Variants in TGFA observed in about 807,000 individuals in gnomAD.
The protein encoded by TGFA is transforming growth factor alpha.
A neutral mutation model predicts 21.7 loss-of-function variants in TGFA; 12 were observed. The observed-to-expected ratio is 0.55, with a 90% CI of 0.35 to 0.90. The LOEUF (loss-of-function observed/expected upper bound fraction) is 0.90, where lower values mean the gene tolerates loss of function less well. Ranked by LOEUF, TGFA falls within the 40% of genes least tolerant of loss-of-function variation. TGFA has a pLI of 0.01. For missense variants in TGFA, 178 were observed against 210.8 expected, an observed-to-expected ratio of 0.84 and a Z score of 0.96; for synonymous variants, 79 against 88.1, an observed-to-expected ratio of 0.90 and a Z score of 0.58.
intron 2 of TGFA, among the ~76,000 whole-genome samples, chr2:70,479,384 G>A (rs992977772): frequency 3.3e-5 from 5 of 152,306 alleles, no homozygotes; most frequent in African/African-American, 1.2e-4. Context: ...CTGGCTTGTA[G>A]TTGATGAAAA....
Position 70,503,637 on chromosome 2 carries a change from G to C in TGFA, c.94+11222C>G, listed in dbSNP as rs188239485. ...CATAGTCCCCAGGGGGCACAGTTAA[G>C]CTTTAAATCTAGGTCATCTGGCTCC... On this transcript the variant is annotated intron_variant, in intron 2 of 5. Transcript: ENST00000295400. Among the ~76,000 whole-genome samples, 74 of 150,974 alleles carry C rather than the reference G, an allele frequency of 4.9e-4. No individual in the cohort carries two copies. In the Middle Eastern group the frequency reaches 0.014, roughly 29 times the overall value.
chr2:70,484,223 T>C (rs1336079663), intron 2 of TGFA, among the ~76,000 whole-genome samples: 1 of 152,228 alleles, frequency 6.6e-6, no homozygotes, highest in Admixed American at 6.5e-5. Flanking sequence ...TTCTGAGTAA[T>C]ACATAACCAA....
chr2:70,476,099 A>T (rs1286123634), intron 2 of TGFA, among the ~76,000 whole-genome samples: 1 of 151,020 alleles, frequency 6.6e-6, no homozygotes, highest in Non-Finnish European at 1.5e-5. Context: ...AAAAAAAAAA[A>T]AAAAAAAATT....
chr2:70,472,832 C>T (rs1670799145), intron 2 of TGFA, among the ~76,000 whole-genome samples: 2 of 152,258 alleles, frequency 1.3e-5, no homozygotes, highest in Non-Finnish European at 1.5e-5. Context: ...ACAGCCATTT[C>T]ATAACTTCCT....
At chr2:70,546,846 T>C (rs1217684544) in intron 1 of TGFA, among the ~76,000 whole-genome samples, 1 of 152,130 alleles carries the variant, frequency 6.6e-6, no homozygotes, top group Non-Finnish European at 1.5e-5. Context: ...TGAGCCACCT[T>C]GCTTGGCCAG....
intron 1 of TGFA, among the ~76,000 whole-genome samples, chr2:70,546,860 AC>A (rs1553505991): frequency 6.6e-6 from 1 of 152,110 alleles, no homozygotes; most frequent in African/African-American, 2.4e-5. Flanking sequence ...TGGCCAGAAA[AC>A]CTTTTAATAG....
intron 1 of TGFA, among the ~76,000 whole-genome samples, chr2:70,529,755 A>G (rs1313650465): frequency 6.6e-6 from 1 of 152,128 alleles, no homozygotes; most frequent in Non-Finnish European, 1.5e-5. Flanking sequence ...TGAGCAGAGG[A>G]GCAATAACAT....
At chr2:70,522,874 T>C (rs1286022644) in intron 1 of TGFA, among the ~76,000 whole-genome samples, 6 of 152,198 alleles carry the variant, frequency 3.9e-5, no homozygotes, top group Non-Finnish European at 5.9e-5. Flanking sequence ...TAGCGGGACA[T>C]TGTCTAGGTG....
chr2:70,486,609 G>T (rs114457179), intron 2 of TGFA, among the ~76,000 whole-genome samples: 1,776 of 151,826 alleles, frequency 0.012, 37 homozygotes, highest in African/African-American at 0.041. Context: ...CTACAGGTGC[G>T]CGCTACCACA....
intron 2 of TGFA, among the ~76,000 whole-genome samples, chr2:70,487,470 A>G (rs1671302744): frequency 6.6e-6 from 1 of 152,242 alleles, no homozygotes; most frequent in South Asian, 2.1e-4. Context: ...TATACCTTAT[A>G]CACATATCTT....
chr2:70,485,906 G>C (rs1559114210), intron 2 of TGFA, among the ~76,000 whole-genome samples: 1 of 152,066 alleles, frequency 6.6e-6, no homozygotes, highest in East Asian at 1.9e-4. Flanking sequence ...CTACATCAGG[G>C]GCAACGCTGT....
chr2:70,520,158 A>G (rs1399241221), intron 1 of TGFA, among the ~76,000 whole-genome samples: 1 of 152,206 alleles, frequency 6.6e-6, no homozygotes, highest in East Asian at 1.9e-4. Context: ...CAGGAAGTTC[A>G]GGATGATGAG....
chr2:70,542,763 T>C (rs1291333242), intron 1 of TGFA, among the ~76,000 whole-genome samples: 1 of 152,238 alleles, frequency 6.6e-6, no homozygotes, highest in Non-Finnish European at 1.5e-5. Context: ...TATGCACGTA[T>C]GCAGACAAAC....
chr2:70,474,969 CGTGTGTGTGT>C (rs57147767), intron 2 of TGFA, among the ~76,000 whole-genome samples: 39 of 147,688 alleles, frequency 2.6e-4, no homozygotes, highest in East Asian at 4.0e-4. Flanking sequence ...ACACAGCAGC[CGTGTGTGTGT>C]GTGTGTGTGT....
rs1672589034 is a variant in TGFA, at chr2:70,524,911, G to T, written c.41-9999C>A. Among the ~76,000 whole-genome samples the T allele has an allele frequency of 2.0e-5, 3 of 150,502 alleles. No homozygotes were observed. The South Asian group carries it at 6.2e-4, about 31-fold the overall frequency. On this transcript the variant is annotated intron_variant, in intron 1 of 5. Coordinates refer to ENST00000295400, the MANE Select transcript of TGFA (RefSeq NM_003236.4). ...CCCTCCCTATCCGTGAAGGCCCATT[G>T]GCCCCATCTCAACTTCCCTGGCCTG...
At chr2:70,502,656 G>A (rs1553499360) in intron 2 of TGFA, among the ~76,000 whole-genome samples, 1 of 152,180 alleles carries the variant, frequency 6.6e-6, no homozygotes, top group East Asian at 1.9e-4. Flanking sequence ...ACTCCTTAGT[G>A]TTGAGTTATG....
intron 5 of TGFA, chr2:70,451,622 A>G (rs532458901): frequency 3.2e-6 from 2 of 617,472 alleles, no homozygotes; most frequent in Non-Finnish European, 2.9e-6. Context: ...TCCACCCCAA[A>G]TGACTCTGTT....
At chr2:70,485,805 C>G (rs1255315636) in intron 2 of TGFA, among the ~76,000 whole-genome samples, 1 of 152,174 alleles carries the variant, frequency 6.6e-6, no homozygotes, top group African/African-American at 2.4e-5. Flanking sequence ...TTTATACAGG[C>G]AACCACCCCA....
intron 5 of TGFA, among the ~76,000 whole-genome samples, chr2:70,452,483 A>C (rs570857525): frequency 1.3e-5 from 2 of 152,168 alleles, no homozygotes; most frequent in Non-Finnish European, 2.9e-5. Flanking sequence ...GTCATTAGAG[A>C]CCTTTCATAG....
Sources: gnomAD v4.1 joint callset for allele counts (sites outside exome capture counted in the v4.1 genomes callset) on GRCh38, gnomAD v4.1.1 for gene constraint, MANE v1.5 for transcripts, NCBI Gene and HGNC (gene_info 2026-07-23, HGNC 2026-07-21) for gene names.